BICD2: variants seen among roughly 807,000 people sequenced by gnomAD.
BICD2 encodes the protein BICD cargo adaptor 2.
BICD2 carries 25 observed loss-of-function variants against 72.9 expected under a neutral mutation model. The observed-to-expected ratio is 0.34, with a 90% CI of 0.25 to 0.48. The LOEUF is 0.48. Ranked by LOEUF, BICD2 falls within the 20% of genes least tolerant of loss-of-function variation. The pLI is 0.99. For missense variants in BICD2, 894 were observed against 1,175.2 expected, an observed-to-expected ratio of 0.76 and a Z score of 3.50; for synonymous variants, 501 against 516.1, an observed-to-expected ratio of 0.97 and a Z score of 0.40.
In BICD2 at chr9:92,714,415, C is replaced by T. The variant is rs2131495200; in HGVS notation, c.*739G>A. On this transcript the variant is annotated 3_prime_UTR_variant, in exon 7 of 7. Coordinates refer to ENST00000356884, the MANE Select transcript of BICD2 (RefSeq NM_001003800.2). The stretch of plus-strand genomic sequence containing the variant: ...CTCATGAAAAATGAAAACCTGGGGC[C>T]TTGGGCCCTGCCAATCTGTCACCTC... 1.0e-6 allele frequency: 1 copy of T among 985,488 alleles called. No homozygotes were observed. Among genetic ancestry groups the T allele is most frequent in the Admixed American group, 6.1e-5 (1 of 16,296 alleles). 61.0% of individuals were successfully genotyped at this position (985,488 alleles called of 1,614,324 possible). A position where few individuals can be genotyped will look rare whatever the true frequency, so the allele number is the denominator to read the frequency against.
intron 1 of BICD2, among the ~76,000 whole-genome samples, chr9:92,748,486 T>G (rs1269404205): frequency 6.6e-6 from 1 of 151,982 alleles, no homozygotes; most frequent in African/African-American, 2.4e-5. Flanking sequence ...GACCCTGGGG[T>G]ACAAGCAGAC....
intron 2 of BICD2, among the ~76,000 whole-genome samples, chr9:92,725,058 G>C (rs1032434932): frequency 2.1e-4 from 32 of 152,316 alleles, no homozygotes; most frequent in Admixed American, 1.2e-3. Context: ...TGGGAAGTGA[G>C]AGCCCAGAAG....
intron 1 of BICD2, among the ~76,000 whole-genome samples, chr9:92,743,828 C>T (rs1212524093): frequency 6.6e-6 from 1 of 152,164 alleles, no homozygotes; most frequent in East Asian, 1.9e-4. Context: ...CCAAGAAGAA[C>T]ATTGGAAGAA....
At chr9:92,757,764 A>G (rs1854291167) in intron 1 of BICD2, among the ~76,000 whole-genome samples, 1 of 152,190 alleles carries the variant, frequency 6.6e-6, no homozygotes, top group African/African-American at 2.4e-5. Context: ...ACTTACAGAC[A>G]CAGCTACACA....
At chr9:92,748,760 G>C (rs992535032) in intron 1 of BICD2, among the ~76,000 whole-genome samples, 5 of 152,138 alleles carry the variant, frequency 3.3e-5, no homozygotes, top group Non-Finnish European at 7.3e-5. Flanking sequence ...GGCAACAAAG[G>C]ATGTGGGGTC....
intron 1 of BICD2, among the ~76,000 whole-genome samples, chr9:92,746,227 C>T (rs779975277): frequency 1.3e-5 from 2 of 152,134 alleles, no homozygotes; most frequent in Non-Finnish European, 2.9e-5. Context: ...CTGCAGGCAC[C>T]ACCCAAGAAA....
intron 1 of BICD2, among the ~76,000 whole-genome samples, chr9:92,733,722 C>T (rs1002780954): frequency 1.3e-5 from 2 of 152,080 alleles, no homozygotes; most frequent in East Asian, 3.9e-4. Context: ...AATCCCAGCA[C>T]TTCGGGAGGC....
chr9:92,736,730 A>G (rs1853795351), intron 1 of BICD2, among the ~76,000 whole-genome samples: 2 of 152,162 alleles, frequency 1.3e-5, no homozygotes, highest in Non-Finnish European at 2.9e-5. Context: ...TTCCAGTAAT[A>G]TCTTCAGCTG....
At position 92,720,909 on chromosome 9, in the gene BICD2, C is replaced by T. The variant is rs1029001808; in HGVS notation, c.607-154G>A. ...GGTGCCATCCTGGGAAGGGTGGCAG[C>T]CCGTCCAGGCCAAGACTGCTTCCTC... On this transcript the variant is annotated intron_variant, in intron 3 of 6. Coordinates refer to ENST00000356884, the MANE Select transcript of BICD2 (RefSeq NM_001003800.2). The surrounding 1 kb of genome is among the most constrained non-coding windows in gnomAD (Gnocchi z 5.4). 2.0e-5 allele frequency among the ~76,000 whole-genome samples: 3 copies of T among 152,206 alleles called. No individual in the cohort carries two copies. Among genetic ancestry groups the T allele is most frequent in the Non-Finnish European group, 4.4e-5 (3 of 68,036 alleles).
Position 92,712,484 on chromosome 9 carries a change from T to TA in BICD2, c.*2669dup, listed in dbSNP as rs1460837025. ...AAAAAGGTGTTGAAAGAGAACACCCTAAAAATCGACGACTGTAGAATTTTC... is the reference window on the plus strand; with the variant it reads ...AAAAAGGTGTTGAAAGAGAACACCCTAAAAAATCGACGACTGTAGAATTTTC... On this transcript the variant is annotated 3_prime_UTR_variant, in exon 7 of 7. Transcript: ENST00000356884. The TA allele has an allele frequency of 1.3e-5, 2 of 152,494 alleles. No individual in the cohort carries two copies. Among genetic ancestry groups the TA allele is most frequent in the Admixed American group, 1.3e-4 (2 of 15,278 alleles). 9.4% of individuals were successfully genotyped at this position (152,494 alleles called of 1,614,324 possible). A position where few individuals can be genotyped will look rare whatever the true frequency, so the allele number is the denominator to read the frequency against.
In BICD2 at chr9:92,720,436, G is replaced by T. The variant is rs746899633; in HGVS notation, c.926C>A (p.Ala309Asp). 7.4e-6 allele frequency: 12 copies of T among 1,614,012 alleles called. No homozygotes were observed. The South Asian group carries it at 1.3e-4, about 18-fold the overall frequency. ...GGTCTTGTTGTCCAGTGGCAGCTTG[G>T]CCAGGCCGCCGTGCTCAAAGCCATT... ...LVNGFEHGGL[A>D]KLPLDNKTST... Residue 309 changes from alanine to aspartate, a missense_variant, in exon 4 of 7, where the codon GCC (alanine) becomes GAC (aspartate). By Grantham distance (126) the Ala-to-Asp change is moderately radical. This residue lies in a region of BICD2 where 371 missense variants were observed against 439.1 expected (regional missense o/e 0.84). Transcript: ENST00000356884. This position sits in a 1 kb window ranked among gnomAD's most constrained non-coding sequence, Gnocchi z 5.4.
At chr9:92,728,440 G>C (rs1853609821) in intron 2 of BICD2, among the ~76,000 whole-genome samples, 1 of 152,220 alleles carries the variant, frequency 6.6e-6, no homozygotes, top group Non-Finnish European at 1.5e-5. Context: ...ACTCCAACAG[G>C]CTCTGGTGCC....
chr9:92,723,694 A>G (rs1853509746), intron 2 of BICD2, among the ~76,000 whole-genome samples: 1 of 152,212 alleles, frequency 6.6e-6, no homozygotes, highest in Non-Finnish European at 1.5e-5. Flanking sequence ...GAACTATATG[A>G]GATGTAAATC....
chr9:92,718,581 C>T lies in BICD2; in HGVS notation c.2064G>A (p.Glu688=), dbSNP rs1198718448. 6 of 1,613,452 alleles carry T rather than the reference C, an allele frequency of 3.7e-6. No homozygotes were observed. Among genetic ancestry groups the T allele is most frequent in the Non-Finnish European group, 5.1e-6 (6 of 1,179,986 alleles). The change falls in exon 5 of 7, where the codon GAG becomes GAA. Residue 688 remains glutamate, a synonymous_variant. Coordinates refer to ENST00000356884, the MANE Select transcript of BICD2 (RefSeq NM_001003800.2). Reference sequence around the variant, plus strand: ...GCACAGTGCGCAGCGTGGTGATCTGCTCCCGCTTGGTGCTGAGCAGCGACT... The same window carrying T: ...GCACAGTGCGCAGCGTGGTGATCTGTTCCCGCTTGGTGCTGAGCAGCGACT... ...KLKSLLSTKR[E]QITTLRTVLK...
chr9:92,753,858 C>T (rs1854200709), intron 1 of BICD2, among the ~76,000 whole-genome samples: 3 of 151,718 alleles, frequency 2.0e-5, no homozygotes, highest in Non-Finnish European at 2.9e-5. Flanking sequence ...GTTTTATACA[C>T]GTTCAATGGC....
At position 92,713,411 on chromosome 9, in the gene BICD2, T is replaced by C; in HGVS notation, c.*1743A>G. 1 of 1,569,408 alleles carries C rather than the reference T, an allele frequency of 6.4e-7. No homozygotes were observed. ...GCCACGAGAGGGAAGGGGAAGGGGC[T>C]GCAGTGTGACAGGGCCGGGTGGCCA... On this transcript the variant is annotated 3_prime_UTR_variant, in exon 7 of 7. Transcript: ENST00000356884.
At chr9:92,738,153 C>T (rs569213573) in intron 1 of BICD2, among the ~76,000 whole-genome samples, 9 of 152,336 alleles carry the variant, frequency 5.9e-5, no homozygotes, top group Non-Finnish European at 1.2e-4. Context: ...TGGTGAGCTC[C>T]GCCCTCACTG....
At position 92,715,210 on chromosome 9, in the gene BICD2, T is replaced by A; in HGVS notation, c.2512A>T (p.Thr838Ser). The A allele has an allele frequency of 6.2e-7, 1 of 1,612,214 alleles. No homozygotes were observed. ...CACASDRAEG[T>S]GLANQVFCSE... ...CAGAACACCTGGTTGGCCAGCCCGG[T>A]GCCCTCGGCCCTGTCGCTGGCACAG... Residue 838 changes from threonine to serine, a missense_variant, in exon 7 of 7, where the codon ACC (threonine) becomes TCC (serine). This residue lies in a region of BICD2 where 321 missense variants were observed against 443.9 expected (regional missense o/e 0.72). Coordinates refer to ENST00000356884, the MANE Select transcript of BICD2 (RefSeq NM_001003800.2).
intron 1 of BICD2, among the ~76,000 whole-genome samples, chr9:92,756,078 T>C (rs1854249296): frequency 1.3e-5 from 2 of 152,142 alleles, no homozygotes; most frequent in Admixed American, 6.5e-5. Flanking sequence ...GTGACAATAC[T>C]AGTTCCTCCC....
Sources: allele counts gnomAD v4.1 joint callset (sites outside exome capture counted in the v4.1 genomes callset), GRCh38; gene constraint gnomAD v4.1.1; regional missense constraint gnomAD v4.1.1; non-coding constraint Gnocchi (gnomAD v3.1); transcripts MANE v1.5; gene names NCBI Gene and HGNC (gene_info 2026-07-23, HGNC 2026-07-21).